The following SLIT2 variants were observed in gnomAD, a reference collection of about 807,000 sequenced individuals.
The protein encoded by SLIT2 is slit homolog 2 protein.
SLIT2 carries 41 observed loss-of-function variants against 185.7 expected under a neutral mutation model. The observed-to-expected ratio is 0.22, with a 90% CI of 0.17 to 0.29. SLIT2 has a LOEUF of 0.29. SLIT2 is among the 10% of genes least tolerant of loss of function. The probability of loss-of-function intolerance (pLI) is 1.00; values close to 1 mark genes in which losing one functional copy is unlikely to be tolerated. For missense variants in SLIT2, 1,571 were observed against 1,909.0 expected, an observed-to-expected ratio of 0.82 and a Z score of 3.30; for synonymous variants, 693 against 680.2, an observed-to-expected ratio of 1.02 and a Z score of -0.29.
chr4:20,403,841 A>T (rs764145446), intron 4 of SLIT2, among the ~76,000 whole-genome samples: 12 of 151,368 alleles, frequency 7.9e-5, no homozygotes, highest in Non-Finnish European at 1.6e-4. Context: ...CTGTTTTATA[A>T]TTGTTATTCA....
chr4:20,291,939 T>TGC (rs1225516710), intron 4 of SLIT2, among the ~76,000 whole-genome samples: 7 of 148,138 alleles, frequency 4.7e-5, no homozygotes, highest in African/African-American at 1.7e-4. Flanking sequence ...TGTGTGTGTG[T>TGC]GCATGTGTGT....
intron 4 of SLIT2, among the ~76,000 whole-genome samples, chr4:20,270,018 C>T (rs910944501): frequency 6.6e-6 from 1 of 151,874 alleles, no homozygotes; most frequent in Non-Finnish European, 1.5e-5. Context: ...ACATTTTTCT[C>T]TTCTTTTTTG....
chr4:20,408,950 C>T (rs1284843261), intron 4 of SLIT2, among the ~76,000 whole-genome samples: 1 of 152,116 alleles, frequency 6.6e-6, no homozygotes, highest in Non-Finnish European at 1.5e-5. Flanking sequence ...TCTCCCACCC[C>T]CACCTCCCAT....
In SLIT2 at chr4:20,268,492, C is replaced by T. The variant is rs1713269507; in HGVS notation, c.324-318C>T. ...TGGTATTTCTGCTGGATATTGAAGT[C>T]ACCTACCTTAGGCGCCTAAGACTGA... On this transcript the variant is annotated intron_variant, in intron 3 of 36. Transcript: ENST00000504154. 2.0e-5 allele frequency among the ~76,000 whole-genome samples: 3 copies of T among 151,830 alleles called. No homozygotes were observed. In the South Asian group the frequency reaches 6.2e-4, roughly 32 times the overall value.
At chr4:20,463,487 A>ATG (rs1475911442) in intron 4 of SLIT2, among the ~76,000 whole-genome samples, 106 of 90,422 alleles carry the variant, frequency 1.2e-3, no homozygotes, top group African/African-American at 3.4e-3. Flanking sequence ...ATATATATAT[A>ATG]TATATGTGTG....
chr4:20,321,371 T>C (rs917786029), intron 4 of SLIT2, among the ~76,000 whole-genome samples: 4 of 152,190 alleles, frequency 2.6e-5, no homozygotes, highest in Non-Finnish European at 5.9e-5. Context: ...TCACTAACGC[T>C]TGGCTCCCCT....
intron 5 of SLIT2, among the ~76,000 whole-genome samples, chr4:20,475,946 G>A (rs543480549): frequency 6.6e-6 from 1 of 152,108 alleles, no homozygotes; most frequent in Non-Finnish European, 1.5e-5. Context: ...GCAAATTGTT[G>A]CCTGAAATAT....
At chr4:20,466,628 T>C (rs1252347868) in intron 4 of SLIT2, among the ~76,000 whole-genome samples, 1 of 152,172 alleles carries the variant, frequency 6.6e-6, no homozygotes, top group East Asian at 1.9e-4. Flanking sequence ...TCTCTCTCTG[T>C]TGCGTGGCCA....
At chr4:20,462,007 G>A (rs1713770782) in intron 4 of SLIT2, among the ~76,000 whole-genome samples, 1 of 151,954 alleles carries the variant, frequency 6.6e-6, no homozygotes, top group Admixed American at 6.6e-5. Flanking sequence ...GGTGGTTTTG[G>A]GAATGAATTG....
intron 4 of SLIT2, among the ~76,000 whole-genome samples, chr4:20,274,211 T>C (rs1713937892): frequency 6.6e-6 from 1 of 152,190 alleles, no homozygotes; most frequent in South Asian, 2.1e-4. Context: ...TCACTTTCAG[T>C]GATTAAAACA....
At chr4:20,342,758 C>G (rs1353977835) in intron 4 of SLIT2, among the ~76,000 whole-genome samples, 4 of 74,808 alleles carry the variant, frequency 5.3e-5, no homozygotes, top group African/African-American at 1.6e-4. Context: ...AATACACGTT[C>G]TAATGTCGGT....
chr4:20,295,043 A>G (rs954728403), intron 4 of SLIT2, among the ~76,000 whole-genome samples: 1 of 152,234 alleles, frequency 6.6e-6, no homozygotes, highest in African/African-American at 2.4e-5. Context: ...CAAAAAGATG[A>G]AAGTAATTTG....
At chr4:20,355,729 A>G (rs1577490670) in intron 4 of SLIT2, among the ~76,000 whole-genome samples, 1 of 152,172 alleles carries the variant, frequency 6.6e-6, no homozygotes, top group African/African-American at 2.4e-5. Context: ...CTAATATTCC[A>G]GGTGGTCTTT....
intron 11 of SLIT2, among the ~76,000 whole-genome samples, chr4:20,517,258 T>C (rs1273915221): frequency 1.3e-5 from 2 of 152,232 alleles, no homozygotes; most frequent in African/African-American, 2.4e-5. Context: ...CATGGGCAGA[T>C]GATGGGCATT....
chr4:20,466,102 G>A (rs943684689), intron 4 of SLIT2, among the ~76,000 whole-genome samples: 4 of 152,010 alleles, frequency 2.6e-5, no homozygotes, highest in Admixed American at 2.6e-4. Context: ...TGAATGCAAA[G>A]TTTTCCTCCT....
chr4:20,551,134 C>G (rs1379174950), intron 25 of SLIT2, among the ~76,000 whole-genome samples: 1 of 152,160 alleles, frequency 6.6e-6, no homozygotes, highest in South Asian at 2.1e-4. Flanking sequence ...CTAAACATGT[C>G]TCTTCTACAA....
intron 4 of SLIT2, among the ~76,000 whole-genome samples, chr4:20,408,691 C>G (rs1726964664): frequency 2.0e-5 from 3 of 152,146 alleles, no homozygotes; most frequent in Admixed American, 6.5e-5. Context: ...GCTTCTATCG[C>G]TCTAATAGTC....
intron 4 of SLIT2, among the ~76,000 whole-genome samples, chr4:20,397,505 C>T (rs1315938864): frequency 6.6e-6 from 1 of 151,684 alleles, no homozygotes; most frequent in African/African-American, 2.4e-5. Context: ...GAGTTTCTTC[C>T]AGGGAATGCT....
At chr4:20,605,443 GTAA>G (rs1488579409) in intron 33 of SLIT2, among the ~76,000 whole-genome samples, 14 of 152,160 alleles carry the variant, frequency 9.2e-5, no homozygotes, top group Admixed American at 7.2e-4. Flanking sequence ...TATAGTAACA[GTAA>G]TAAATGCAAT....
Sources: allele counts gnomAD v4.1 joint callset (sites outside exome capture counted in the v4.1 genomes callset), GRCh38; gene constraint gnomAD v4.1.1; transcripts MANE v1.5; gene names NCBI Gene and HGNC (gene_info 2026-07-23, HGNC 2026-07-21).